Variants in NIPBL observed in about 807,000 individuals in gnomAD.
The protein encoded by NIPBL is NIPBL cohesin loading factor.
In NIPBL, 19 loss-of-function variants were observed where a neutral mutation model predicts 321.8. The ratio of observed to expected loss-of-function variants is 0.06; its 90% CI spans 0.04 to 0.09. The LOEUF (loss-of-function observed/expected upper bound fraction) is 0.09. Ranked by LOEUF, NIPBL falls within the 10% of genes least tolerant of loss-of-function variation. The pLI, the probability that NIPBL is intolerant of heterozygous loss-of-function variation, is 1.00. For missense variants in NIPBL, 2,210 were observed against 3,327.0 expected (o/e 0.66, Z 8.26); for synonymous variants, 1,106 against 1,114.1 (o/e 0.99, Z 0.14).
chr5:37,045,413 T>G, intron 36 of NIPBL, 30 bp from the exon 37 acceptor site: 1 of 1,474,960 alleles, frequency 6.8e-7, no homozygotes. Context: ...AAGATAAATA[T>G]TATAAGTAAA....
At position 36,962,294 on chromosome 5, in the gene NIPBL, C is replaced by G; in HGVS notation, c.610+20C>G. On this transcript the variant is annotated intron_variant, in intron 6 of 46. Coordinates refer to ENST00000282516, the MANE Select transcript of NIPBL (RefSeq NM_133433.4). ...AACAAGGTAAGAAAGTTGTTTGTAACTTCACTGGGAATGTCTAAGTGCTTT... is the reference window on the plus strand; with the variant it reads ...AACAAGGTAAGAAAGTTGTTTGTAAGTTCACTGGGAATGTCTAAGTGCTTT... 1.2e-6 allele frequency: 2 copies of G among 1,613,680 alleles called. No homozygotes were observed. The highest frequency in any genetic ancestry group is 1.7e-6 in the Non-Finnish European group (2 of 1,179,618).
At chr5:36,902,231 T>C (rs1747290225) in intron 1 of NIPBL, among the ~76,000 whole-genome samples, 1 of 152,280 alleles carries the variant, frequency 6.6e-6, no homozygotes, top group Admixed American at 6.5e-5. Flanking sequence ...TGTTGATAGT[T>C]TCTTTGGCTG....
chr5:36,920,212 TTGA>T (rs1389602929), intron 1 of NIPBL, among the ~76,000 whole-genome samples: 4 of 152,188 alleles, frequency 2.6e-5, no homozygotes, highest in Non-Finnish European at 4.4e-5. Flanking sequence ...AAAGCATAAA[TTGA>T]TGATGACAGA....
intron 1 of NIPBL, among the ~76,000 whole-genome samples, chr5:36,922,176 C>T (rs774527970): frequency 2.6e-5 from 4 of 152,132 alleles, no homozygotes; most frequent in African/African-American, 7.2e-5. Flanking sequence ...GCATGAGCGA[C>T]AGCACCTGGC....
At chr5:37,037,037 T>A (rs1233406530) in intron 33 of NIPBL, among the ~76,000 whole-genome samples, 12 of 152,048 alleles carry the variant, frequency 7.9e-5, no homozygotes, top group Admixed American at 7.9e-4. Context: ...TCACATTATT[T>A]ACCAATCACA....
chr5:36,895,360 C>T (rs1746654204), intron 1 of NIPBL, among the ~76,000 whole-genome samples: 1 of 152,192 alleles, frequency 6.6e-6, no homozygotes, highest in South Asian at 2.1e-4. Context: ...TTTACTTTTG[C>T]TTTGTCGCTT....
At chr5:37,012,781 G>GGT (rs1190363809) in intron 21 of NIPBL, among the ~76,000 whole-genome samples, 1 of 152,074 alleles carries the variant, frequency 6.6e-6, no homozygotes, top group Non-Finnish European at 1.5e-5. Flanking sequence ...CAGGGTTGGG[G>GGT]GTAAGGTCAC....
At chr5:36,942,755 T>C (rs970509767) in intron 1 of NIPBL, among the ~76,000 whole-genome samples, 3 of 151,298 alleles carry the variant, frequency 2.0e-5, no homozygotes, top group South Asian at 2.1e-4. Context: ...AAAAAAATTA[T>C]CCTCCCTAAA....
chr5:37,044,614 A>G (rs1453717555), intron 35 of NIPBL, 22 bp from the exon 36 acceptor site: 3 of 1,604,162 alleles, frequency 1.9e-6, no homozygotes, highest in Non-Finnish European at 2.6e-6. Flanking sequence ...ACTTTTATCT[A>G]AACATTTTCT....
At chr5:37,040,116 G>C (rs981410141) in intron 34 of NIPBL, among the ~76,000 whole-genome samples, 2 of 152,074 alleles carry the variant, frequency 1.3e-5, no homozygotes, top group African/African-American at 4.8e-5. Flanking sequence ...CCCCATGTCT[G>C]CCAGTAGAGT....
At chr5:36,886,035 G>A in intron 1 of NIPBL, 2 of 714,208 alleles carry the variant, frequency 2.8e-6, no homozygotes, top group South Asian at 2.8e-5. Flanking sequence ...ATTGAGGAGA[G>A]CACCACAGTG....
chr5:36,962,226 C>G lies in NIPBL; in HGVS notation c.562C>G (p.Pro188Ala). The change falls in exon 6 of 47, where the codon CCA becomes GCA. Residue 188 changes from proline (P) to alanine (A), a missense_variant. Physicochemically the swap from Pro to Ala is conservative, Grantham distance 27 (BLOSUM62 -1). Coordinates refer to ENST00000282516, the MANE Select transcript of NIPBL (RefSeq NM_133433.4). The stretch of plus-strand genomic sequence containing the variant: ...CCCACAAAGCCCTGCAGGATACATG[C>G]CATATTCCCATCCTTCAAGTTACAC... ...YAPQSPAGYM[P>A]YSHPSSYTTH... 1 of 1,614,110 alleles carries G rather than the reference C, an allele frequency of 6.2e-7. No individual in the cohort carries two copies. Among genetic ancestry groups the G allele is most frequent in the Non-Finnish European group, 8.5e-7 (1 of 1,179,986 alleles).
intron 1 of NIPBL, among the ~76,000 whole-genome samples, chr5:36,898,630 G>C (rs1291752703): frequency 6.6e-6 from 1 of 151,006 alleles, no homozygotes; most frequent in Admixed American, 6.6e-5. Context: ...TCCTGTCTCA[G>C]CCTCCCGAAT....
chr5:37,036,849 T>G (rs1751756191), intron 33 of NIPBL, among the ~76,000 whole-genome samples: 1 of 151,974 alleles, frequency 6.6e-6, no homozygotes. Context: ...TCATATAAAA[T>G]TATGTCTCAA....
In NIPBL at chr5:37,039,124, CAA is replaced by C. The variant is rs577254078; in HGVS notation, c.6108+388_6108+389del. Among the ~76,000 whole-genome samples, 510 of 151,964 alleles carry C rather than the reference CAA, an allele frequency of 3.4e-3. 2 individuals are homozygous for C. Among genetic ancestry groups the C allele is most frequent in the African/African-American group, 0.012 (490 of 41,508 alleles). On this transcript the variant is annotated intron_variant, in intron 34 of 46. Coordinates refer to ENST00000282516, the MANE Select transcript of NIPBL (RefSeq NM_133433.4). Reference sequence around the variant, plus strand: ...ATTGATACCCATTGCTTGAAGCACACAAAGACTAGCATTACTTCCCATCTAAT... The same window carrying C: ...ATTGATACCCATTGCTTGAAGCACACAGACTAGCATTACTTCCCATCTAAT...
chr5:36,988,225 A>G (rs933860260), intron 10 of NIPBL, among the ~76,000 whole-genome samples: 3 of 152,192 alleles, frequency 2.0e-5, no homozygotes, highest in African/African-American at 2.4e-5. Flanking sequence ...TTTTAGCACC[A>G]AAATGCGTTT....
At chr5:37,042,422 G>A (rs1364578089) in intron 34 of NIPBL, among the ~76,000 whole-genome samples, 5 of 151,798 alleles carry the variant, frequency 3.3e-5, no homozygotes, top group African/African-American at 7.3e-5. Context: ...GTGACAGAAC[G>A]AGGCTCTGTG....
chr5:36,986,116 A>G lies in NIPBL; in HGVS notation c.2936A>G (p.Lys979Arg). The G allele has an allele frequency of 6.2e-7, 1 of 1,613,926 alleles. No individual in the cohort carries two copies. Among genetic ancestry groups the G allele is most frequent in the Non-Finnish European group, 8.5e-7 (1 of 1,179,880 alleles). The change falls in exon 10 of 47, where the codon AAA becomes AGA. Residue 979 changes from lysine to arginine, a missense_variant. This residue lies in a region of NIPBL where 588 missense variants were observed against 564.1 expected (regional missense o/e 1.04). Coordinates refer to ENST00000282516, the MANE Select transcript of NIPBL (RefSeq NM_133433.4). ...VTQETKKMEM[K>R]GEPKDKVEKI... Reference sequence around the variant, plus strand: ...CAGGAGACAAAGAAAATGGAAATGAAAGGAGAGCCGAAAGACAAAGTAGAA... The same window carrying G: ...CAGGAGACAAAGAAAATGGAAATGAGAGGAGAGCCGAAAGACAAAGTAGAA...
chr5:37,017,258 A>C, intron 24 of NIPBL, 96 bp downstream of exon 24: 1 of 1,241,366 alleles, frequency 8.1e-7, no homozygotes, highest in Non-Finnish European at 1.1e-6. Flanking sequence ...GTGTGGATTC[A>C]AAATAAGATT....
Sources: allele counts gnomAD v4.1 joint callset (sites outside exome capture counted in the v4.1 genomes callset), GRCh38; gene constraint gnomAD v4.1.1; regional missense constraint gnomAD v4.1.1; transcripts MANE v1.5; gene names NCBI Gene and HGNC (gene_info 2026-07-23, HGNC 2026-07-21).